LUZP2: variants seen among roughly 807,000 people sequenced by gnomAD.
LUZP2 encodes leucine zipper protein 2.
LUZP2 carries 52 observed loss-of-function variants against 51.6 expected under a neutral mutation model. The ratio of observed to expected loss-of-function variants is 1.01; its 90% CI spans 0.81 to 1.27. LUZP2 has a LOEUF of 1.27. Ranked by LOEUF, LUZP2 falls within the 50% of genes most tolerant of loss-of-function variation. LUZP2 has a pLI of 0.00. For missense variants in LUZP2, 436 were observed against 395.4 expected (o/e 1.10, Z -0.87); for synonymous variants, 154 against 137.3 (o/e 1.12, Z -0.85).
At chr11:24,621,708 T>C (rs1473673285) in intron 1 of LUZP2, among the ~76,000 whole-genome samples, 3 of 152,218 alleles carry the variant, frequency 2.0e-5, no homozygotes, top group Non-Finnish European at 4.4e-5. Flanking sequence ...TGATGCTCAT[T>C]ATTCTCATAG....
chr11:24,687,156 G>T (rs982357059), intron 1 of LUZP2, among the ~76,000 whole-genome samples: 1 of 152,028 alleles, frequency 6.6e-6, no homozygotes, highest in Admixed American at 6.6e-5. Context: ...TGTAGTTTTA[G>T]GTCCCTAACA....
chr11:25,024,311 A>G (rs993337295), intron 9 of LUZP2, among the ~76,000 whole-genome samples: 1 of 152,176 alleles, frequency 6.6e-6, no homozygotes, highest in Non-Finnish European at 1.5e-5. Flanking sequence ...ATCAGGCAAG[A>G]GAAAGCAATA....
At chr11:24,692,429 T>C (rs776461512) in intron 1 of LUZP2, among the ~76,000 whole-genome samples, 6 of 152,110 alleles carry the variant, frequency 3.9e-5, no homozygotes, top group East Asian at 1.9e-4. Context: ...CGGTCTTTTT[T>C]AGCATGAAGT....
At chr11:24,771,338 G>C (rs144875851) in intron 5 of LUZP2, among the ~76,000 whole-genome samples, 97 of 128,044 alleles carry the variant, frequency 7.6e-4, no homozygotes, top group African/African-American at 2.6e-3. Flanking sequence ...CAATGATGGA[G>C]TACTCAATAG....
intron 1 of LUZP2, among the ~76,000 whole-genome samples, chr11:24,702,336 C>T (rs573838773): frequency 8.6e-5 from 13 of 151,782 alleles, no homozygotes. Context: ...TGGACTGATC[C>T]TCGACATAAC....
rs1449407557 is a variant in LUZP2 at position 24,658,874 on chromosome 11, G to C, written c.63-70295G>C. On this transcript the variant is annotated intron_variant, in intron 1 of 11. Coordinates refer to ENST00000336930, the MANE Select transcript of LUZP2 (RefSeq NM_001009909.4). ...TGCAAATCAAAACCACAATGAGATAGCATCTCACACCAGTTAGAATGGCAA... is the reference window on the plus strand; with the variant it reads ...TGCAAATCAAAACCACAATGAGATACCATCTCACACCAGTTAGAATGGCAA... Among the ~76,000 whole-genome samples the C allele has an allele frequency of 2.5e-3, 386 of 152,198 alleles. 4 individuals carry two copies. The highest frequency in any genetic ancestry group is 8.6e-3 in the African/African-American group (359 of 41,538).
intron 1 of LUZP2, among the ~76,000 whole-genome samples, chr11:24,592,180 A>G (rs1024535876): frequency 1.3e-5 from 2 of 152,178 alleles, no homozygotes; most frequent in African/African-American, 2.4e-5. Context: ...TAACTGGGAT[A>G]TTGTTCCAGG....
intron 1 of LUZP2, among the ~76,000 whole-genome samples, chr11:24,510,252 A>C (rs1171491832): frequency 6.6e-6 from 1 of 152,218 alleles, no homozygotes; most frequent in Admixed American, 6.5e-5. Flanking sequence ...CTGAGGATTT[A>C]AATTGTGATG....
intron 1 of LUZP2, among the ~76,000 whole-genome samples, chr11:24,559,844 C>T (rs1306360860): frequency 6.6e-6 from 1 of 152,126 alleles, no homozygotes; most frequent in African/African-American, 2.4e-5. Context: ...TAATTCACTA[C>T]ATAATGCTTG....
At chr11:24,779,389 C>T (rs952815274) in intron 5 of LUZP2, among the ~76,000 whole-genome samples, 2 of 152,092 alleles carry the variant, frequency 1.3e-5, no homozygotes, top group Admixed American at 1.3e-4. Context: ...TGTATCTATA[C>T]CAGCTTTTCA....
In LUZP2 at chr11:24,602,960, A is replaced by G. The variant is rs191347460; in HGVS notation, c.62+105655A>G. Among the ~76,000 whole-genome samples, 794 of 151,960 alleles carry G rather than the reference A, an allele frequency of 5.2e-3. 3 individuals carry two copies. Among genetic ancestry groups the G allele is most frequent in the African/African-American group, 0.013 (544 of 41,520 alleles). On this transcript the variant is annotated intron_variant, in intron 1 of 11. Transcript: ENST00000336930. Reference sequence around the variant, plus strand: ...AGGGTAGAACAATGTAAATGTTTATATTAAAATCTTTAACATTGGCAGAAT... The same window carrying G: ...AGGGTAGAACAATGTAAATGTTTATGTTAAAATCTTTAACATTGGCAGAAT...
intron 5 of LUZP2, among the ~76,000 whole-genome samples, chr11:24,897,728 T>A (rs1394825995): frequency 6.6e-6 from 1 of 152,208 alleles, no homozygotes; most frequent in Non-Finnish European, 1.5e-5. Context: ...ACCCACCAAT[T>A]TCGGACACAA....
At chr11:25,002,658 C>A (rs1189820792) in intron 9 of LUZP2, among the ~76,000 whole-genome samples, 1 of 152,176 alleles carries the variant, frequency 6.6e-6, no homozygotes, top group Non-Finnish European at 1.5e-5. Flanking sequence ...GCTACTACAT[C>A]AATTTCCTTA....
intron 5 of LUZP2, among the ~76,000 whole-genome samples, chr11:24,797,017 T>C (rs1849566775): frequency 6.6e-6 from 1 of 152,176 alleles, no homozygotes; most frequent in South Asian, 2.1e-4. Context: ...TTTCGGCTCA[T>C]CATTCCCTAG....
intron 4 of LUZP2, among the ~76,000 whole-genome samples, chr11:24,739,132 C>A (rs1859044745): frequency 6.6e-6 from 1 of 152,006 alleles, no homozygotes. Context: ...CGGGGAGGCA[C>A]CCAGGCTGTT....
rs933341807 is a variant in LUZP2, at chr11:25,025,267, T to A, written c.766-24771T>A. ...ACTTCATGTCTAAAACACCAAAAGC[T>A]ATGGCAACAAAAGCCAAAATTGACA... On this transcript the variant is annotated intron_variant, in intron 9 of 11. Transcript: ENST00000336930. Among the ~76,000 whole-genome samples the A allele has an allele frequency of 2.4e-3, 359 of 151,934 alleles. 1 individual carries two copies. The highest frequency in any genetic ancestry group is 8.3e-3 in the African/African-American group (342 of 41,424).
intron 1 of LUZP2, among the ~76,000 whole-genome samples, chr11:24,590,731 A>C (rs1853230495): frequency 6.6e-6 from 1 of 152,192 alleles, no homozygotes; most frequent in East Asian, 1.9e-4. Context: ...TAGGAAGTAC[A>C]TTAATCATTT....
intron 1 of LUZP2, among the ~76,000 whole-genome samples, chr11:24,633,619 A>G (rs1431665690): frequency 6.6e-6 from 1 of 152,034 alleles, no homozygotes; most frequent in Non-Finnish European, 1.5e-5. Flanking sequence ...AATTCAGAAT[A>G]AAATATGTTT....
intron 4 of LUZP2, among the ~76,000 whole-genome samples, chr11:24,745,839 G>A (rs771701042): frequency 1.3e-5 from 2 of 151,880 alleles, no homozygotes; most frequent in African/African-American, 2.4e-5. Context: ...CACCACACCC[G>A]GCTAATTTTT....
Sources: gnomAD v4.1 joint callset for allele counts (sites outside exome capture counted in the v4.1 genomes callset) on GRCh38, gnomAD v4.1.1 for gene constraint, MANE v1.5 for transcripts, NCBI Gene and HGNC (gene_info 2026-07-23, HGNC 2026-07-21) for gene names.